Variants in SIAH3 observed in about 807,000 individuals in gnomAD.
SIAH3 encodes the protein siah E3 ubiquitin protein ligase family member 3.
In SIAH3, 9 loss-of-function variants were observed where a neutral mutation model predicts 12.6. The ratio of observed to expected loss-of-function variants is 0.72; its 90% CI spans 0.43 to 1.25. The LOEUF is 1.25. Among genes scored for constraint, SIAH3 ranks in the 50% most tolerant of loss-of-function variants. The pLI is 0.00. For missense variants in SIAH3, 390 were observed against 365.4 expected, an observed-to-expected ratio of 1.07 and a Z score of -0.55; for synonymous variants, 154 against 151.1, an observed-to-expected ratio of 1.02 and a Z score of -0.14.
chr13:45,837,401 A>G (rs1950721541), intron 1 of SIAH3, among the ~76,000 whole-genome samples: 1 of 152,130 alleles, frequency 6.6e-6, no homozygotes, highest in African/African-American at 2.4e-5. Flanking sequence ...TAATATGAGG[A>G]GCTTTTTGGG....
At chr13:45,789,953 C>G (rs1052140934) in intron 1 of SIAH3, among the ~76,000 whole-genome samples, 1 of 152,098 alleles carries the variant, frequency 6.6e-6, no homozygotes, top group Non-Finnish European at 1.5e-5. Flanking sequence ...GAAATGGGCT[C>G]TAGTTGAGGA....
At chr13:45,791,009 T>G (rs1267672859) in intron 1 of SIAH3, among the ~76,000 whole-genome samples, 2 of 152,026 alleles carry the variant, frequency 1.3e-5, no homozygotes, top group East Asian at 3.9e-4. Context: ...TGACCTCGTC[T>G]CTACAAAAAA....
At chr13:45,799,309 A>G (rs908448660) in intron 1 of SIAH3, among the ~76,000 whole-genome samples, 11 of 152,182 alleles carry the variant, frequency 7.2e-5, no homozygotes, top group African/African-American at 2.4e-4. Flanking sequence ...TCAGACCTTA[A>G]TTTCCATGTC....
chr13:45,811,743 T>C (rs1302595687), intron 1 of SIAH3, among the ~76,000 whole-genome samples: 4 of 152,232 alleles, frequency 2.6e-5, no homozygotes, highest in Non-Finnish European at 5.9e-5. Flanking sequence ...GGGCAGGAGA[T>C]AGCCACCTTC....
At position 45,783,415 on chromosome 13, in the gene SIAH3, T is replaced by C. The variant is rs1430160677; in HGVS notation, c.778A>G (p.Thr260Ala). ...TCAGCTTCTGAGGGGAGGACCTCTGTCGCGGTGATGGCAATCCCAATGGCA... is the reference window on the plus strand; with the variant it reads ...TCAGCTTCTGAGGGGAGGACCTCTGCCGCGGTGATGGCAATCCCAATGGCA... ...SLAIGIAITA[T>A]EVLPSEAEM Residue 260 changes from threonine to alanine, a missense_variant, in exon 2 of 2, where the codon ACA becomes GCA. Physicochemically the swap from Thr to Ala is moderately conservative, Grantham distance 58. Transcript: ENST00000400405. 1 of 1,613,500 alleles carries C rather than the reference T, an allele frequency of 6.2e-7. No homozygotes were observed. Among genetic ancestry groups the C allele is most frequent in the Non-Finnish European group, 8.5e-7 (1 of 1,179,520 alleles).
rs1593372123 is a variant in SIAH3, at chr13:45,779,669, G to A, written c.*3714C>T. On this transcript the variant is annotated 3_prime_UTR_variant, in exon 2 of 2. Coordinates refer to ENST00000400405, the MANE Select transcript of SIAH3 (RefSeq NM_198849.3). ...AACATGAATACAATAAAGAGCACCT[G>A]CTTGCTAAGGTTGTTATGGGGATTA... The A allele has an allele frequency of 6.6e-6, 1 of 152,318 alleles. No individual in the cohort carries two copies. The highest frequency in any genetic ancestry group is 1.9e-4 in the East Asian group (1 of 5,184). The allele number at this position is 152,318 out of a possible 1,614,324, so 9.4% of individuals were successfully genotyped here. A position where few individuals can be genotyped will look rare whatever the true frequency, so the allele number is the denominator to read the frequency against.
rs977294203 is a variant in SIAH3 at position 45,814,486 on chromosome 13, G to A, written c.136-30429C>T. ...GGCTTCTTAGAAGTGACCTCTGGGA[G>A]GATGAGCAAGAGCTGGGCAGGCAAA... On this transcript the variant is annotated intron_variant, in intron 1 of 1. Coordinates refer to ENST00000400405, the MANE Select transcript of SIAH3 (RefSeq NM_198849.3). Among the ~76,000 whole-genome samples, 7 of 152,048 alleles carry A rather than the reference G, an allele frequency of 4.6e-5. No individual in the cohort carries two copies. The East Asian group carries it at 7.7e-4, about 17-fold the overall frequency.
intron 1 of SIAH3, among the ~76,000 whole-genome samples, chr13:45,812,448 T>TA (rs112822203): frequency 0.058 from 8,866 of 152,208 alleles, 880 homozygotes; most frequent in African/African-American, 0.2. Context: ...TGAGAGAGGT[T>TA]AAAATTAGTG....
intron 1 of SIAH3, among the ~76,000 whole-genome samples, chr13:45,828,350 T>C (rs1428650565): frequency 6.6e-6 from 1 of 152,184 alleles, no homozygotes; most frequent in Non-Finnish European, 1.5e-5. Context: ...TGGTGATCTT[T>C]ATTCTGATGA....
At chr13:45,839,903 G>A (rs1343816527) in intron 1 of SIAH3, among the ~76,000 whole-genome samples, 1 of 152,150 alleles carries the variant, frequency 6.6e-6, no homozygotes, top group Non-Finnish European at 1.5e-5. Flanking sequence ...GCTCTTTGTA[G>A]AAGCTTCCAG....
At chr13:45,802,412 G>C (rs967733979) in intron 1 of SIAH3, among the ~76,000 whole-genome samples, 2 of 152,254 alleles carry the variant, frequency 1.3e-5, no homozygotes, top group Admixed American at 6.5e-5. Context: ...AGTGGGGTTA[G>C]GGGGCGAGGT....
intron 1 of SIAH3, among the ~76,000 whole-genome samples, chr13:45,813,658 T>A (rs1416808537): frequency 1.3e-5 from 2 of 152,160 alleles, no homozygotes; most frequent in African/African-American, 4.8e-5. Context: ...ATTTCACAGT[T>A]CTGGAGGCGA....
chr13:45,850,729 A>G (rs1950777593), intron 1 of SIAH3, among the ~76,000 whole-genome samples: 1 of 152,072 alleles, frequency 6.6e-6, no homozygotes. Flanking sequence ...ACCTGAGGGT[A>G]CAAATGCAGA....
rs1167305018 is a variant in SIAH3 at position 45,780,778 on chromosome 13, C to T, written c.*2605G>A. On this transcript the variant is annotated 3_prime_UTR_variant, in exon 2 of 2. Transcript: ENST00000400405. ...ATCTGGGTTTTGGTTGTGGTCTAACCACCTGATGTGTGACCTTGAAAAGAT... is the reference window on the plus strand; with the variant it reads ...ATCTGGGTTTTGGTTGTGGTCTAACTACCTGATGTGTGACCTTGAAAAGAT... The T allele has an allele frequency of 2.0e-5, 3 of 152,178 alleles. No homozygotes were observed. Among genetic ancestry groups the T allele is most frequent in the African/African-American group, 4.8e-5 (2 of 41,432 alleles). The allele number at this position is 152,178 out of a possible 1,614,324, so 9.4% of individuals were successfully genotyped here. A position where few individuals can be genotyped will look rare whatever the true frequency, so the allele number is the denominator to read the frequency against.
intron 1 of SIAH3, among the ~76,000 whole-genome samples, chr13:45,828,946 T>G (rs533438251): frequency 6.6e-6 from 1 of 152,178 alleles, no homozygotes; most frequent in Non-Finnish European, 1.5e-5. Context: ...CTCTATTTTT[T>G]TTTTTGCAGA....
chr13:45,797,462 A>G (rs1212738615), intron 1 of SIAH3, among the ~76,000 whole-genome samples: 2 of 152,214 alleles, frequency 1.3e-5, no homozygotes, highest in Admixed American at 6.5e-5. Flanking sequence ...CACAGCTTCA[A>G]CGGATCCAAA....
At chr13:45,851,290 G>C (rs903030592) in intron 1 of SIAH3, among the ~76,000 whole-genome samples, 4 of 152,076 alleles carry the variant, frequency 2.6e-5, no homozygotes, top group Non-Finnish European at 4.4e-5. Context: ...TGCCAGCTGG[G>C]GAAACAACAC....
intron 1 of SIAH3, among the ~76,000 whole-genome samples, chr13:45,841,844 C>T (rs1041045737): frequency 6.6e-6 from 1 of 152,208 alleles, no homozygotes; most frequent in East Asian, 1.9e-4. Flanking sequence ...ACACAAGGAA[C>T]ATTTGCCTTT....
chr13:45,842,656 G>A (rs371058954), intron 1 of SIAH3, among the ~76,000 whole-genome samples: 27 of 152,228 alleles, frequency 1.8e-4, no homozygotes, highest in Non-Finnish European at 2.2e-4. Context: ...CCTGTACATC[G>A]TATTATTTAA....
Sources: allele counts gnomAD v4.1 joint callset (sites outside exome capture counted in the v4.1 genomes callset), GRCh38; gene constraint gnomAD v4.1.1; transcripts MANE v1.5; gene names NCBI Gene and HGNC (gene_info 2026-07-23, HGNC 2026-07-21).